GLRA2: variants seen among roughly 807,000 people sequenced by gnomAD.
The protein encoded by GLRA2 is glycine receptor alpha 2, also known as glycine receptor subunit alpha-2.
A neutral mutation model predicts 31.6 loss-of-function variants in GLRA2; 11 were observed. The ratio of observed to expected loss-of-function variants is 0.35; its 90% confidence interval spans 0.22 to 0.58. The LOEUF is 0.58. Among genes scored for constraint, GLRA2 ranks in the 20% least tolerant of loss-of-function variants. The pLI is 0.84. For missense variants in GLRA2, 212 were observed against 351.8 expected, an observed-to-expected ratio of 0.60 and a Z score of 3.18; for synonymous variants, 132 against 134.0, an observed-to-expected ratio of 0.99 and a Z score of 0.10.
At chrX:14,689,579 T>C (rs931825710) in intron 7 of GLRA2, among the ~76,000 whole-genome samples, 5 of 112,087 alleles carry the variant, frequency 4.5e-5, no homozygotes, top group African/African-American at 1.6e-4. Context: ...TGGATAATAA[T>C]TTCATCCCTC....
chrX:14,535,129 G>A (rs1047473343), intron 2 of GLRA2, among the ~76,000 whole-genome samples: 2 of 111,573 alleles, frequency 1.8e-5, no homozygotes, highest in African/African-American at 6.5e-5. Context: ...GAAGATAGAA[G>A]GGCAAAATTT....
intron 7 of GLRA2, among the ~76,000 whole-genome samples, chrX:14,688,967 C>A (rs767856080): frequency 8.9e-6 from 1 of 112,065 alleles, no homozygotes; most frequent in South Asian, 3.7e-4. Flanking sequence ...ATTCTAAAAT[C>A]TTTATGTATA....
chrX:14,612,753 T>G lies in GLRA2; in HGVS notation c.930+3548T>G, dbSNP rs779557392. Among the ~76,000 whole-genome samples, 3 of 101,065 alleles carry G rather than the reference T, an allele frequency of 3.0e-5. No individual in the cohort carries two copies. The Admixed American group carries it at 3.5e-4, about 12-fold the overall frequency. 87.8% of individuals were successfully genotyped at this position (101,065 alleles called of 115,157 possible). ...AAAACCAAACACTGCATGTTCTCAC[T>G]CACAAGTGGGGGTTGAACAATGAGA... On this transcript the variant is annotated intron_variant, in intron 7 of 8. Coordinates refer to ENST00000218075, the MANE Select transcript of GLRA2 (RefSeq NM_002063.4).
At chrX:14,464,710 C>T in the GLRA2 span, among the ~76,000 whole-genome samples, 5 of 111,489 alleles carry the variant, frequency 4.5e-5, no homozygotes, top group Non-Finnish European at 7.5e-5. Context: ...GCACCCACCA[C>T]CACGCCCAGC....
At chrX:14,640,151 AT>A (rs940431261) in intron 7 of GLRA2, among the ~76,000 whole-genome samples, 10 of 107,721 alleles carry the variant, frequency 9.3e-5, no homozygotes, top group South Asian at 3.9e-4. Flanking sequence ...ATTTGTGTTT[AT>A]TTTTTTTTTA....
At chrX:14,574,448 G>A (rs748371689) in intron 3 of GLRA2, 48 bp downstream of exon 3, 3 of 1,151,220 alleles carry the variant, frequency 2.6e-6, no homozygotes, top group African/African-American at 3.5e-5. Flanking sequence ...ACTCAATTAT[G>A]CTGTGAACAC....
the GLRA2 span, among the ~76,000 whole-genome samples, chrX:14,519,478 T>C: frequency 8.9e-6 from 1 of 112,266 alleles, no homozygotes; most frequent in African/African-American, 3.2e-5. Context: ...CTAGGAAGCT[T>C]ACACACTGCC....
intron 4 of GLRA2, among the ~76,000 whole-genome samples, chrX:14,582,703 A>G (rs781260761): frequency 5.4e-5 from 6 of 112,075 alleles, no homozygotes; most frequent in Admixed American, 9.5e-5. Flanking sequence ...GGGAAACTCC[A>G]TGTTTATCTC....
intron 7 of GLRA2, among the ~76,000 whole-genome samples, chrX:14,682,342 C>T (rs1569521152): frequency 1.8e-5 from 2 of 110,759 alleles, no homozygotes; most frequent in African/African-American, 3.3e-5. Flanking sequence ...GATACAAGTA[C>T]TTCAGATTGT....
chrX:14,611,382 A>G (rs192889498), intron 7 of GLRA2, among the ~76,000 whole-genome samples: 2 of 113,090 alleles, frequency 1.8e-5, no homozygotes, highest in Admixed American at 1.9e-4. Flanking sequence ...TTAACCAACC[A>G]TTAAATAACT....
Position 14,622,631 on chromosome X carries a change from T to C in GLRA2, c.930+13426T>C, listed in dbSNP as rs191895797. Among the ~76,000 whole-genome samples, 166 of 112,093 alleles carry C rather than the reference T, an allele frequency of 1.5e-3. 2 individuals are homozygous for C. Among genetic ancestry groups the C allele is most frequent in the African/African-American group, 4.9e-3 (151 of 30,880 alleles). On this transcript the variant is annotated intron_variant, in intron 7 of 8. Coordinates refer to ENST00000218075, the MANE Select transcript of GLRA2 (RefSeq NM_002063.4). ...AGGGAATCCTTTCCCCATTTCTTGT[T>C]CTCGTTAGGTTTGTCAAAGATCAGA...
chrX:14,622,925 T>A (rs145643710), intron 7 of GLRA2, among the ~76,000 whole-genome samples: 9 of 111,205 alleles, frequency 8.1e-5, no homozygotes, highest in Middle Eastern at 4.6e-3. Flanking sequence ...ATTGAATCTA[T>A]AAATTACCTT....
At chrX:14,579,889 T>C (rs2089997201) in intron 3 of GLRA2, among the ~76,000 whole-genome samples, 1 of 112,384 alleles carries the variant, frequency 8.9e-6, no homozygotes, top group Non-Finnish European at 1.9e-5. Context: ...TGGGAATTTG[T>C]ATAGTTTAGT....
chrX:14,705,097 T>C (rs914159881), intron 8 of GLRA2, among the ~76,000 whole-genome samples: 4 of 112,259 alleles, frequency 3.6e-5, no homozygotes, highest in African/African-American at 1.3e-4. Flanking sequence ...TGTCAGTAAA[T>C]GAAACAGAGA....
At chrX:14,578,700 T>C (rs1319232129) in intron 3 of GLRA2, among the ~76,000 whole-genome samples, 1 of 112,087 alleles carries the variant, frequency 8.9e-6, no homozygotes, top group Non-Finnish European at 1.9e-5. Flanking sequence ...GGGAGTATAT[T>C]TGCAACCCCT....
chrX:14,542,481 A>G (rs1391649111), intron 2 of GLRA2, among the ~76,000 whole-genome samples: 1 of 111,327 alleles, frequency 9.0e-6, no homozygotes, highest in African/African-American at 3.3e-5. Context: ...TTATTAGGAG[A>G]AAGTTACTGA....
At chrX:14,550,332 A>C (rs1351657848) in intron 2 of GLRA2, among the ~76,000 whole-genome samples, 3 of 108,991 alleles carry the variant, frequency 2.8e-5, no homozygotes, top group Non-Finnish European at 5.7e-5. Flanking sequence ...TGAAAGTACG[A>C]GTGAGATAGA....
At chrX:14,561,030 G>A (rs2089725697) in intron 2 of GLRA2, among the ~76,000 whole-genome samples, 1 of 111,161 alleles carries the variant, frequency 9.0e-6, no homozygotes, top group Non-Finnish European at 1.9e-5. Context: ...TATAATAACT[G>A]AGTCGTATAT....
Position 14,531,980 on chromosome X carries a change from T to C in GLRA2, c.69-259T>C, listed in dbSNP as rs747149265. ...ATCTACAACCTAAAACTAAATACAT[T>C]GTCTGTTCTCAAACATCTTATGGTT... On this transcript the variant is annotated intron_variant, in intron 1 of 8. Transcript: ENST00000218075. Among the ~76,000 whole-genome samples the C allele has an allele frequency of 2.7e-5, 3 of 111,716 alleles. No individual in the cohort carries two copies. In the East Asian group the frequency reaches 8.4e-4, roughly 31 times the overall value.
Sources: allele counts gnomAD v4.1 joint callset (sites outside exome capture counted in the v4.1 genomes callset), GRCh38; gene constraint gnomAD v4.1.1; transcripts MANE v1.5; gene names NCBI Gene and HGNC (gene_info 2026-07-23, HGNC 2026-07-21).